Variants in SUFU observed in about 807,000 individuals in gnomAD.
The protein encoded by SUFU is suppressor of fused homolog.
Under a neutral mutation model 58.9 loss-of-function variants are expected in SUFU, and 7 were observed. The ratio of observed to expected loss-of-function variants is 0.12; its 90% CI spans 0.07 to 0.22. The LOEUF is 0.22. Among genes scored for constraint, SUFU ranks in the 10% least tolerant of loss-of-function variants. SUFU has a pLI of 1.00. For synonymous variants in SUFU, 232 were observed against 254.8 expected (o/e 0.91, Z 0.85); for missense variants, 451 against 641.3 (o/e 0.70, Z 3.20).
chr10:102,597,090 G>A (rs1236163778), intron 6 of SUFU, 50 bp from the exon 7 acceptor site: 3 of 1,612,786 alleles, frequency 1.9e-6, no homozygotes, highest in Non-Finnish European at 2.5e-6. Flanking sequence ...GGTCACCTTG[G>A]GTCACCAGTT....
chr10:102,530,746 G>A (rs1342923053), intron 2 of SUFU, among the ~76,000 whole-genome samples: 3 of 151,962 alleles, frequency 2.0e-5, no homozygotes, highest in Non-Finnish European at 4.4e-5. Context: ...GAGCCACCAT[G>A]TCTGGCCTTC....
chr10:102,609,469 A>C lies in SUFU; in HGVS notation c.1023-5799A>C, dbSNP rs141156619. 7.9e-5 allele frequency among the ~76,000 whole-genome samples: 12 copies of C among 152,350 alleles called. No individual in the cohort carries two copies. The East Asian group carries it at 2.3e-3, about 29-fold the overall frequency. ...TAAAGAACAGGGTCAAGAAAAGCTG[A>C]AACTCAAGAACTGAGTCTTGCAAAA... On this transcript the variant is annotated intron_variant, in intron 8 of 11. Transcript: ENST00000369902.
At chr10:102,615,491 C>T in intron 9 of SUFU, 89 bp downstream of exon 9, 20 of 1,595,794 alleles carry the variant, frequency 1.3e-5, no homozygotes, top group South Asian at 4.4e-5. Flanking sequence ...AGCCCCCTCC[C>T]CCAGCAGGCG....
intron 3 of SUFU, among the ~76,000 whole-genome samples, chr10:102,553,427 A>G (rs1255961324): frequency 6.6e-6 from 1 of 151,910 alleles, no homozygotes; most frequent in African/African-American, 2.4e-5. Flanking sequence ...GTTGAGCTGC[A>G]TGTTCAAGAT....
chr10:102,597,011 C>G (rs2063469475), intron 6 of SUFU, 129 bp from the exon 7 acceptor site: 1 of 1,107,552 alleles, frequency 9.0e-7, no homozygotes, highest in Non-Finnish European at 1.4e-6. Context: ...ATCCTGCTCT[C>G]CAGCATTTGT....
At chr10:102,579,960 T>C (rs2063255922) in intron 3 of SUFU, 3 of 704,132 alleles carry the variant, frequency 4.3e-6, no homozygotes, top group Admixed American at 6.3e-5. Context: ...TATGAAGAAC[T>C]TTACCTTCTA....
chr10:102,535,331 A>G (rs2062724591), intron 2 of SUFU, among the ~76,000 whole-genome samples: 1 of 152,014 alleles, frequency 6.6e-6, no homozygotes, highest in Non-Finnish European at 1.5e-5. Context: ...CTAAAAATAC[A>G]AAAAATGAGC....
At chr10:102,559,783 C>T (rs766016326) in intron 3 of SUFU, among the ~76,000 whole-genome samples, 1 of 152,202 alleles carries the variant, frequency 6.6e-6, no homozygotes, top group Non-Finnish European at 1.5e-5. Flanking sequence ...GCTGGAGAGG[C>T]TATCTGCTCT....
intron 8 of SUFU, among the ~76,000 whole-genome samples, chr10:102,610,782 G>A (rs1048492332): frequency 7.2e-5 from 11 of 152,230 alleles, no homozygotes; most frequent in South Asian, 2.1e-4. Flanking sequence ...AGAAATACCC[G>A]AACTGCCGGA....
intron 2 of SUFU, among the ~76,000 whole-genome samples, chr10:102,509,959 C>G (rs2062379751): frequency 6.6e-6 from 1 of 152,078 alleles, no homozygotes; most frequent in Admixed American, 6.6e-5. Context: ...CAACCTCAGC[C>G]TCCCGAGTAG....
chr10:102,530,186 T>C (rs1431688152), intron 2 of SUFU, among the ~76,000 whole-genome samples: 1 of 152,124 alleles, frequency 6.6e-6, no homozygotes, highest in Non-Finnish European at 1.5e-5. Context: ...TGTATTCTCG[T>C]CCACTTTGCT....
intron 2 of SUFU, among the ~76,000 whole-genome samples, chr10:102,515,370 G>A (rs1245644746): frequency 2.0e-5 from 3 of 146,942 alleles, no homozygotes; most frequent in East Asian, 2.0e-4. Flanking sequence ...AGGCTGGAGT[G>A]CAATGGTGTG....
At position 102,630,116 on chromosome 10, in the gene SUFU, C is replaced by T. The variant is rs1318853616; in HGVS notation, c.1416C>T (p.Ser472=). ...YSWPEKKLKV[S]ILPDVVFDSP... is the part of the protein sequence containing the mutation. ...GGCCTGAAAAGAAGCTGAAGGTCTC[C>T]ATCCTGCCTGACGTGGTGTTCGACA... The change falls in exon 12 of 12, where the codon TCC becomes TCT. Residue 472 remains serine, a synonymous_variant. Coordinates refer to ENST00000369902, the MANE Select transcript of SUFU (RefSeq NM_016169.4). 1.2e-6 allele frequency: 2 copies of T among 1,614,212 alleles called. No homozygotes were observed. Among genetic ancestry groups the T allele is most frequent in the Non-Finnish European group, 8.5e-7 (1 of 1,180,024 alleles).
chr10:102,557,351 T>C (rs1319612780), intron 3 of SUFU, among the ~76,000 whole-genome samples: 1 of 151,862 alleles, frequency 6.6e-6, no homozygotes, highest in African/African-American at 2.4e-5. Context: ...GCTGAGGCAG[T>C]GAGGCGGGCA....
chr10:102,599,867 C>T (rs1163605705), intron 8 of SUFU, among the ~76,000 whole-genome samples: 5 of 152,208 alleles, frequency 3.3e-5, no homozygotes, highest in Non-Finnish European at 7.4e-5. Context: ...GTGCTGAGCA[C>T]GGTTCCCTCC....
chr10:102,559,175 A>C (rs139059021), intron 3 of SUFU, among the ~76,000 whole-genome samples: 1 of 152,236 alleles, frequency 6.6e-6, no homozygotes, highest in Non-Finnish European at 1.5e-5. Flanking sequence ...TATGTCCTTT[A>C]AAGATGAACC....
chr10:102,541,697 CTT>C (rs869264798), intron 2 of SUFU, among the ~76,000 whole-genome samples: 1 of 56,092 alleles, frequency 1.8e-5, no homozygotes, highest in Non-Finnish European at 3.1e-5. Context: ...CCGCGCCCGG[CTT>C]TTTTTTTTTT....
intron 8 of SUFU, among the ~76,000 whole-genome samples, chr10:102,609,554 A>G (rs1462405733): frequency 1.3e-5 from 2 of 152,282 alleles, no homozygotes; most frequent in Admixed American, 1.3e-4. Context: ...AGCAAGAAGA[A>G]GAAAACCTAG....
At chr10:102,590,932 TCTC>T (rs1001521960) in intron 3 of SUFU, 1 of 152,180 alleles carries the variant, frequency 6.6e-6, no homozygotes, top group Non-Finnish European at 1.5e-5. Flanking sequence ...AGCTGTGCCT[TCTC>T]CTCTCCCCTG....
Sources: gnomAD v4.1 joint callset for allele counts (sites outside exome capture counted in the v4.1 genomes callset) on GRCh38, gnomAD v4.1.1 for gene constraint, MANE v1.5 for transcripts, NCBI Gene and HGNC (gene_info 2026-07-23, HGNC 2026-07-21) for gene names.